Variants in RBFOX1 observed in about 807,000 individuals in gnomAD.
The protein encoded by RBFOX1 is RNA binding protein fox-1 homolog 1.
In RBFOX1, 8 loss-of-function variants were observed where a neutral mutation model predicts 57.7. That is an observed-to-expected ratio of 0.14 (90% CI 0.08 to 0.25). The LOEUF (loss-of-function observed/expected upper bound fraction) is 0.25. Ranked by LOEUF, RBFOX1 falls within the 10% of genes least tolerant of loss-of-function variation. The pLI, the probability that RBFOX1 is intolerant of heterozygous loss-of-function variation, is 1.00. For missense variants in RBFOX1, 611 were observed against 548.5 expected, an observed-to-expected ratio of 1.11 and a Z score of -1.14; for synonymous variants, 326 against 222.4, an observed-to-expected ratio of 1.47 and a Z score of -4.15.
At position 6,131,456 on chromosome 16, in the gene RBFOX1, C is replaced by A. The variant is rs540138299; in HGVS notation, c.-127+111464C>A. ...CTAGCCCTTTCTAGAAAGCTTACTACCCCTTGCTCTAGAGTCACTTATTTA... is the reference window on the plus strand; with the variant it reads ...CTAGCCCTTTCTAGAAAGCTTACTAACCCTTGCTCTAGAGTCACTTATTTA... On this transcript the variant is annotated intron_variant, in intron 1 of 15. Transcript: ENST00000550418. Among the ~76,000 whole-genome samples the A allele has an allele frequency of 2.6e-5, 4 of 152,270 alleles. 1 individual carries two copies. In the South Asian group the frequency reaches 8.3e-4, roughly 32 times the overall value.
chr16:7,405,779 G>A (rs2082604607), intron 4 of RBFOX1, among the ~76,000 whole-genome samples: 1 of 152,072 alleles, frequency 6.6e-6, no homozygotes, highest in Non-Finnish European at 1.5e-5. Context: ...GTTTTTGCCT[G>A]GTAAGTAAAG....
At chr16:6,301,587 G>A (rs1360298760) in intron 1 of RBFOX1, among the ~76,000 whole-genome samples, 1 of 151,932 alleles carries the variant, frequency 6.6e-6, no homozygotes, top group Admixed American at 6.6e-5. Flanking sequence ...AAACGTTTAG[G>A]GAAGGCTACC....
At chr16:6,693,979 G>T (rs2060648041) in intron 3 of RBFOX1, among the ~76,000 whole-genome samples, 1 of 152,142 alleles carries the variant, frequency 6.6e-6, no homozygotes, top group East Asian at 1.9e-4. Context: ...ACAAAACCAA[G>T]GTAACTATAA....
intron 4 of RBFOX1, among the ~76,000 whole-genome samples, chr16:7,318,355 CAGT>C (rs765752477): frequency 2.0e-5 from 3 of 146,902 alleles, no homozygotes; most frequent in Admixed American, 6.8e-5. Context: ...GTGGTAGTTG[CAGT>C]GGTGGTGGTG....
At chr16:7,486,598 A>G (rs1167967522) in intron 4 of RBFOX1, among the ~76,000 whole-genome samples, 3 of 152,132 alleles carry the variant, frequency 2.0e-5, no homozygotes, top group Non-Finnish European at 4.4e-5. Context: ...CGAGCAAAGC[A>G]CCTGGCATTC....
intron 3 of RBFOX1, among the ~76,000 whole-genome samples, chr16:6,660,037 C>T (rs1055019127): frequency 7.2e-5 from 11 of 151,934 alleles, no homozygotes; most frequent in African/African-American, 2.2e-4. Flanking sequence ...CCACCATGGC[C>T]AACATAGTGA....
At chr16:6,819,596 T>G (rs2090866865) in intron 3 of RBFOX1, among the ~76,000 whole-genome samples, 1 of 150,156 alleles carries the variant, frequency 6.7e-6, no homozygotes, top group Non-Finnish European at 1.5e-5. Context: ...TCCCAGCTAC[T>G]CGGGAGGCTG....
intron 2 of RBFOX1, among the ~76,000 whole-genome samples, chr16:6,339,705 C>T (rs1306866196): frequency 6.6e-6 from 1 of 151,560 alleles, no homozygotes; most frequent in Non-Finnish European, 1.5e-5. Context: ...GAGTCTCGCT[C>T]TGTCACCCAG....
chr16:7,475,309 C>CT (rs753509713), intron 4 of RBFOX1, among the ~76,000 whole-genome samples: 284 of 132,752 alleles, frequency 2.1e-3, no homozygotes, highest in East Asian at 7.2e-3. Context: ...GATGGGCATT[C>CT]TTTTTTTTTT....
Position 7,250,291 on chromosome 16 carries a change from C to CT in RBFOX1, c.27+198200dup, listed in dbSNP as rs564371922. On this transcript the variant is annotated intron_variant, in intron 4 of 15. Transcript: ENST00000550418. Reference sequence around the variant, plus strand: ...ATAACACTGAAGAGTAAAACAAATGCTTTTTTTGCTGTTCCTGGGAGCGTG... The same window carrying CT: ...ATAACACTGAAGAGTAAAACAAATGCTTTTTTTTGCTGTTCCTGGGAGCGTG... 1.1e-4 allele frequency among the ~76,000 whole-genome samples: 16 copies of CT among 152,178 alleles called. No individual in the cohort carries two copies. In the East Asian group the frequency reaches 2.3e-3, roughly 22 times the overall value.
At chr16:5,468,926 C>G (rs546916332) in intron 2 of RBFOX1, among the ~76,000 whole-genome samples, 1 of 152,358 alleles carries the variant, frequency 6.6e-6, no homozygotes, top group East Asian at 1.9e-4. Flanking sequence ...TAGCTTAATT[C>G]TAGCTTCTGG....
At chr16:5,436,182 C>T (rs935943205) in intron 1 of RBFOX1, among the ~76,000 whole-genome samples, 2 of 152,186 alleles carry the variant, frequency 1.3e-5, no homozygotes, top group Non-Finnish European at 2.9e-5. Flanking sequence ...AGAGACACTT[C>T]AATGCTCTGA....
chr16:5,323,163 G>A (rs1296812962), intron 1 of RBFOX1, among the ~76,000 whole-genome samples: 1 of 152,204 alleles, frequency 6.6e-6, no homozygotes, highest in Non-Finnish European at 1.5e-5. Context: ...ATATGACAAA[G>A]TGCTGTATGC....
chr16:6,793,350 T>C (rs903302699), intron 3 of RBFOX1, among the ~76,000 whole-genome samples: 4 of 152,174 alleles, frequency 2.6e-5, no homozygotes, highest in Non-Finnish European at 4.4e-5. Flanking sequence ...TTCCAAAATA[T>C]GATTTTCTTC....
chr16:6,486,090 T>C (rs1225295038), intron 2 of RBFOX1, among the ~76,000 whole-genome samples: 2 of 136,994 alleles, frequency 1.5e-5, no homozygotes, highest in East Asian at 4.1e-4. Flanking sequence ...GGCTTTTTTT[T>C]TTTTTTTTTT....
chr16:5,824,272 C>A (rs1275677808), intron 3 of RBFOX1, among the ~76,000 whole-genome samples: 1 of 152,198 alleles, frequency 6.6e-6, no homozygotes, highest in Non-Finnish European at 1.5e-5. Flanking sequence ...AAGAGCCCAC[C>A]ATGATGACAG....
chr16:7,590,136 A>G (rs967813103), intron 7 of RBFOX1, among the ~76,000 whole-genome samples: 2 of 152,014 alleles, frequency 1.3e-5, no homozygotes, highest in African/African-American at 4.8e-5. Flanking sequence ...GCATGGTGAT[A>G]TACACCTGTA....
intron 3 of RBFOX1, among the ~76,000 whole-genome samples, chr16:6,728,385 T>C (rs1308468478): frequency 6.6e-6 from 1 of 152,228 alleles, no homozygotes; most frequent in Admixed American, 6.5e-5. Context: ...CGTTGTTTCT[T>C]CTTCTAGAAG....
At chr16:7,113,008 G>C (rs1307254747) in intron 4 of RBFOX1, among the ~76,000 whole-genome samples, 1 of 152,134 alleles carries the variant, frequency 6.6e-6, no homozygotes, top group Non-Finnish European at 1.5e-5. Flanking sequence ...ATGAATTCAG[G>C]GGTGAGTCAG....
Sources: allele counts gnomAD v4.1 joint callset (sites outside exome capture counted in the v4.1 genomes callset), GRCh38; gene constraint gnomAD v4.1.1; transcripts MANE v1.5; gene names NCBI Gene and HGNC (gene_info 2026-07-23, HGNC 2026-07-21).